The following KLHL1 variants were observed in gnomAD, a reference collection of about 807,000 sequenced individuals.
KLHL1 encodes kelch like family member 1, also known as kelch-like protein 1.
A neutral mutation model predicts 77.7 loss-of-function variants in KLHL1; 47 were observed. That is an observed-to-expected ratio of 0.60 (90% CI 0.48 to 0.77). The LOEUF is 0.77. Among genes scored for constraint, KLHL1 ranks in the 30% least tolerant of loss-of-function variants. The probability of loss-of-function intolerance (pLI) is 0.00; values close to 1 mark genes in which losing one functional copy is unlikely to be tolerated. For missense variants in KLHL1, 925 were observed against 910.8 expected, an observed-to-expected ratio of 1.02 and a Z score of -0.20; for synonymous variants, 360 against 325.2, an observed-to-expected ratio of 1.11 and a Z score of -1.15.
At chr13:69,770,161 G>A (rs1875496166) in intron 7 of KLHL1, among the ~76,000 whole-genome samples, 1 of 152,166 alleles carries the variant, frequency 6.6e-6, no homozygotes, top group East Asian at 1.9e-4. Context: ...TGAGTTTTTA[G>A]GCACCACTGC....
At chr13:69,839,214 T>A (rs2875574) in intron 5 of KLHL1, 52 bp from the exon 6 acceptor site, 52,247 of 1,242,106 alleles carry the variant, frequency 0.042, 2,135 homozygotes, top group African/African-American at 0.2. Flanking sequence ...AGATGAACAT[T>A]ATGTCATTCC....
intron 8 of KLHL1, among the ~76,000 whole-genome samples, chr13:69,727,072 A>C (rs890283909): frequency 6.6e-6 from 1 of 152,174 alleles, no homozygotes; most frequent in African/African-American, 2.4e-5. Flanking sequence ...GGAACACAAA[A>C]GTAGGGAAGA....
chr13:70,085,238 C>T (rs183093674), intron 1 of KLHL1, among the ~76,000 whole-genome samples: 8 of 152,096 alleles, frequency 5.3e-5, no homozygotes, highest in East Asian at 3.9e-4. Context: ...AGAGAGAGAA[C>T]GGGAAGTGAG....
intron 7 of KLHL1, among the ~76,000 whole-genome samples, chr13:69,752,175 A>G (rs1874515596): frequency 6.6e-6 from 1 of 152,146 alleles, no homozygotes; most frequent in Admixed American, 6.6e-5. Flanking sequence ...GTTGAAGATT[A>G]TCATAGCAAT....
intron 4 of KLHL1, among the ~76,000 whole-genome samples, chr13:69,930,530 A>G (rs1340430447): frequency 6.6e-6 from 1 of 151,840 alleles, no homozygotes; most frequent in African/African-American, 2.4e-5. Context: ...AGAAAATACA[A>G]TTTGTGAATC....
At chr13:69,721,485 G>A (rs180961500) in intron 8 of KLHL1, among the ~76,000 whole-genome samples, 1 of 151,728 alleles carries the variant, frequency 6.6e-6, no homozygotes, top group East Asian at 2.0e-4. Context: ...GATATTTTGG[G>A]TTCGCAGATG....
At chr13:69,958,927 A>G (rs1188460586) in intron 3 of KLHL1, among the ~76,000 whole-genome samples, 1 of 151,960 alleles carries the variant, frequency 6.6e-6, no homozygotes, top group Non-Finnish European at 1.5e-5. Flanking sequence ...TATACAACTG[A>G]TCACTTGTTC....
intron 7 of KLHL1, among the ~76,000 whole-genome samples, chr13:69,793,088 T>A (rs1876940508): frequency 6.6e-6 from 1 of 152,066 alleles, no homozygotes; most frequent in Non-Finnish European, 1.5e-5. Context: ...ACCATATATT[T>A]AATATATAAG....
At chr13:69,991,796 A>T (rs1885035957) in intron 1 of KLHL1, among the ~76,000 whole-genome samples, 1 of 152,066 alleles carries the variant, frequency 6.6e-6, no homozygotes, top group South Asian at 2.1e-4. Flanking sequence ...TCCTCAACTC[A>T]TTCTATGAAG....
At chr13:69,850,394 T>C (rs1231902339) in intron 5 of KLHL1, among the ~76,000 whole-genome samples, 1 of 151,532 alleles carries the variant, frequency 6.6e-6, no homozygotes, top group African/African-American at 2.4e-5. Flanking sequence ...CATTGATAAT[T>C]CCACTTAGCA....
intron 1 of KLHL1, among the ~76,000 whole-genome samples, chr13:70,071,645 C>T (rs1887139661): frequency 6.6e-6 from 1 of 151,650 alleles, no homozygotes; most frequent in African/African-American, 2.4e-5. Context: ...TCTCAGACCA[C>T]AATGTAATTA....
At chr13:69,785,575 C>A (rs907687006) in intron 7 of KLHL1, among the ~76,000 whole-genome samples, 1 of 141,656 alleles carries the variant, frequency 7.1e-6, no homozygotes, top group Non-Finnish European at 1.5e-5. Flanking sequence ...CCAAAATTGA[C>A]ACCCTAAGAT....
intron 7 of KLHL1, among the ~76,000 whole-genome samples, chr13:69,774,479 A>G (rs1875727667): frequency 6.6e-6 from 1 of 151,996 alleles, no homozygotes; most frequent in African/African-American, 2.4e-5. Flanking sequence ...GACTTTTGCC[A>G]TATCCTCTCT....
At chr13:69,889,106 T>A (rs1881330673) in intron 4 of KLHL1, among the ~76,000 whole-genome samples, 1 of 151,836 alleles carries the variant, frequency 6.6e-6, no homozygotes. Flanking sequence ...AAATGCAGAG[T>A]TGAGAAAGAC....
chr13:69,737,152 T>G (rs1566197298), intron 8 of KLHL1, among the ~76,000 whole-genome samples: 1 of 152,132 alleles, frequency 6.6e-6, no homozygotes, highest in Non-Finnish European at 1.5e-5. Context: ...CCTTGAAAAC[T>G]ATGCTTTTCC....
At chr13:69,716,864 G>A (rs944189492) in intron 9 of KLHL1, among the ~76,000 whole-genome samples, 6 of 152,076 alleles carry the variant, frequency 3.9e-5, no homozygotes, top group East Asian at 1.9e-4. Context: ...GTTCTTTGCC[G>A]AATAGATGAC....
chr13:69,983,223 C>T (rs1031629013), intron 1 of KLHL1, among the ~76,000 whole-genome samples: 5 of 151,978 alleles, frequency 3.3e-5, no homozygotes, highest in African/African-American at 9.7e-5. Flanking sequence ...GAAAAGTTAT[C>T]CTATGTTCAT....
At chr13:70,064,331 A>G (rs1886958385) in intron 1 of KLHL1, among the ~76,000 whole-genome samples, 2 of 152,192 alleles carry the variant, frequency 1.3e-5, no homozygotes, top group African/African-American at 2.4e-5. Context: ...AATTTCATAA[A>G]TGTAAGTGTG....
chr13:70,015,362 G>T (rs952340751), intron 1 of KLHL1, among the ~76,000 whole-genome samples: 1 of 152,024 alleles, frequency 6.6e-6, no homozygotes, highest in Admixed American at 6.6e-5. Flanking sequence ...ACATAAAAAT[G>T]GTAAACATAT....
Sources: allele counts gnomAD v4.1 joint callset (sites outside exome capture counted in the v4.1 genomes callset), GRCh38; gene constraint gnomAD v4.1.1; transcripts MANE v1.5; gene names NCBI Gene and HGNC (gene_info 2026-07-23, HGNC 2026-07-21).